The following NSD3 variants were observed in gnomAD, a reference collection of about 807,000 sequenced individuals.
NSD3 encodes the protein nuclear receptor binding SET domain protein 3.
In NSD3, 24 loss-of-function variants were observed where a neutral mutation model predicts 160.8. The ratio of observed to expected loss-of-function variants is 0.15; its 90% confidence interval spans 0.11 to 0.21. NSD3 has a LOEUF of 0.21. NSD3 is among the 10% of genes least tolerant of loss of function. The pLI, the probability that NSD3 is intolerant of heterozygous loss-of-function variation, is 1.00. For missense variants in NSD3, 1,157 were observed against 1,735.9 expected (o/e 0.67, Z 5.93); for synonymous variants, 520 against 600.0 (o/e 0.87, Z 1.95).
chr8:38,330,259 C>T (rs1810023548), intron 5 of NSD3, among the ~76,000 whole-genome samples: 1 of 152,082 alleles, frequency 6.6e-6, no homozygotes, highest in South Asian at 2.1e-4. Context: ...AAATGATACC[C>T]TGAAACTCCC....
chr8:38,319,143 A>C lies in NSD3; in HGVS notation c.1810-203T>G. The C allele has an allele frequency of 3.7e-6, 2 of 537,620 alleles. No homozygotes were observed. The highest frequency in any genetic ancestry group is 6.6e-6 in the Non-Finnish European group (2 of 301,170). The allele number at this position is 537,620 out of a possible 1,614,324, so 33.3% of individuals were successfully genotyped here. A position where few individuals can be genotyped will look rare whatever the true frequency, so the allele number is the denominator to read the frequency against. Reference sequence around the variant, plus strand: ...ATCCTAGCTGCCTGTGCTGAATATCAAGTGACAACACACAGCCACATGCTC... The same window carrying C: ...ATCCTAGCTGCCTGTGCTGAATATCCAGTGACAACACACAGCCACATGCTC... On this transcript the variant is annotated intron_variant, in intron 8 of 23. Transcript: ENST00000317025. The surrounding 1 kb of genome is among the most constrained non-coding windows in gnomAD (Gnocchi z 4.1).
chr8:38,315,500 A>C lies in NSD3; in HGVS notation c.2031T>G (p.Asp677Glu), dbSNP rs768752271. 2 of 1,613,558 alleles carry C rather than the reference A, an allele frequency of 1.2e-6. No homozygotes were observed. The highest frequency in any genetic ancestry group is 4.5e-5 in the East Asian group (2 of 44,842). ...KQVDSPSATADADVSDVQSMD... is the reference protein window; with the variant it reads ...KQVDSPSATAEADVSDVQSMD... ...TGGACTGCACATCAGAAACGTCTGC[A>C]TCTGCAGTAGCTGAAGGGCTATCTA... Residue 677 changes from aspartate to glutamate, a missense_variant, in exon 11 of 24, where the codon GAT (aspartate) becomes GAG (glutamate). Coordinates refer to ENST00000317025, the MANE Select transcript of NSD3 (RefSeq NM_023034.2).
Position 38,288,906 on chromosome 8 carries a change from A to G in NSD3, c.3232-150T>C, listed in dbSNP as rs1808930371. 2 of 997,184 alleles carry G rather than the reference A, an allele frequency of 2.0e-6. No homozygotes were observed. Among genetic ancestry groups the G allele is most frequent in the Non-Finnish European group, 2.9e-6 (2 of 699,090 alleles). The allele number at this position is 997,184 out of a possible 1,614,324, so 61.8% of individuals were successfully genotyped here. On this transcript the variant is annotated intron_variant, in intron 18 of 23. Coordinates refer to ENST00000317025, the MANE Select transcript of NSD3 (RefSeq NM_023034.2). The surrounding 1 kb of genome is among the most constrained non-coding windows in gnomAD (Gnocchi z 4.5). ...GATGAATAAGCTGAGATTAATAACC[A>G]TCTCTTTTGTCATTTAGTTGACAAA...
At chr8:38,327,263 C>T (rs561914242) in intron 6 of NSD3, among the ~76,000 whole-genome samples, 2 of 152,008 alleles carry the variant, frequency 1.3e-5, no homozygotes, top group Admixed American at 6.6e-5. Flanking sequence ...ACCATGTTGG[C>T]CAGGCTGGTC....
chr8:38,284,449 C>T (rs1367754682), intron 19 of NSD3, among the ~76,000 whole-genome samples: 2 of 152,148 alleles, frequency 1.3e-5, no homozygotes, highest in African/African-American at 2.4e-5. Context: ...AGTGCAATGG[C>T]GTGATCTTGG....
intron 12 of NSD3, among the ~76,000 whole-genome samples, chr8:38,313,290 C>A (rs1809577016): frequency 6.6e-6 from 1 of 152,052 alleles, no homozygotes; most frequent in African/African-American, 2.4e-5. Context: ...TTCACCAGGG[C>A]AGTAGAAGAC....
intron 6 of NSD3, among the ~76,000 whole-genome samples, chr8:38,328,767 T>C (rs908241683): frequency 6.6e-6 from 1 of 152,136 alleles, no homozygotes; most frequent in Non-Finnish European, 1.5e-5. Context: ...CAAGCTAAAG[T>C]ATAAGTGCCC....
At chr8:38,351,046 A>C (rs936957667) in intron 1 of NSD3, among the ~76,000 whole-genome samples, 1 of 145,848 alleles carries the variant, frequency 6.9e-6, no homozygotes, top group African/African-American at 2.6e-5. Context: ...ATCTTAGCCC[A>C]CTGCAAGCGC....
At position 38,321,014 on chromosome 8, in the gene NSD3, T is replaced by C. The variant is rs1196781726; in HGVS notation, c.1809+58A>G. ...GTTTCTCTTTCTTTTAAGACAGGAA[T>C]GTAAGCCACAACATTTACAAATACA... On this transcript the variant is annotated intron_variant, in intron 8 of 23. Coordinates refer to ENST00000317025, the MANE Select transcript of NSD3 (RefSeq NM_023034.2). The surrounding 1 kb of genome is among the most constrained non-coding windows in gnomAD (Gnocchi z 4.7). 1.3e-6 allele frequency: 2 copies of C among 1,496,220 alleles called. No individual in the cohort carries two copies. Among genetic ancestry groups the C allele is most frequent in the Non-Finnish European group, 9.3e-7 (1 of 1,078,258 alleles). The allele number at this position is 1,496,220 out of a possible 1,614,324, so 92.7% of individuals were successfully genotyped here.
At chr8:38,379,930 T>C (rs1280191008) in intron 1 of NSD3, among the ~76,000 whole-genome samples, 6 of 152,248 alleles carry the variant, frequency 3.9e-5, no homozygotes, top group Non-Finnish European at 8.8e-5. Context: ...ATTTAAACCT[T>C]AGAATAGTAA....
intron 22 of NSD3, among the ~76,000 whole-genome samples, chr8:38,278,021 C>T (rs1317964524): frequency 6.6e-6 from 1 of 151,638 alleles, no homozygotes; most frequent in Non-Finnish European, 1.5e-5. Flanking sequence ...TCACTGCAAG[C>T]TCCGCATCCC....
Position 38,347,871 on chromosome 8 carries a change from C to T in NSD3, c.301G>A (p.Gly101Ser). 1 of 1,614,140 alleles carries T rather than the reference C, an allele frequency of 6.2e-7. No homozygotes were observed. Among genetic ancestry groups the T allele is most frequent in the Non-Finnish European group, 8.5e-7 (1 of 1,180,036 alleles). ...GTGGGGCTAAAGTTTCTAACTGCAC[C>T]AAAGCCATTGGCTGACCCATTAGGA... is the stretch of plus-strand genomic sequence containing the variant. ...QYPNGSANGF[G>S]AVRNFSPTDY... Residue 101 changes from glycine (G) to serine (S), a missense_variant, in exon 2 of 24, where the codon GGT (glycine) becomes AGT (serine). Physicochemically the swap from Gly to Ser is moderately conservative, Grantham distance 56 (BLOSUM62 0). This residue lies in a region of NSD3 where 121 missense variants were observed against 177.2 expected (regional missense o/e 0.68). Coordinates refer to ENST00000317025, the MANE Select transcript of NSD3 (RefSeq NM_023034.2).
chr8:38,362,056 A>G (rs962467225), intron 1 of NSD3, among the ~76,000 whole-genome samples: 1 of 151,930 alleles, frequency 6.6e-6, no homozygotes, highest in African/African-American at 2.4e-5. Context: ...ATGTTGCAAA[A>G]CCAAATTATA....
intron 12 of NSD3, among the ~76,000 whole-genome samples, chr8:38,310,550 C>A (rs182048388): frequency 9.9e-4 from 150 of 152,082 alleles, no homozygotes; most frequent in South Asian, 2.1e-3. Context: ...TCTGGTTGCC[C>A]AGGCTGGAGT....
chr8:38,371,836 G>T (rs1811249210), intron 1 of NSD3, among the ~76,000 whole-genome samples: 1 of 152,174 alleles, frequency 6.6e-6, no homozygotes, highest in Non-Finnish European at 1.5e-5. Flanking sequence ...TATTCAGCAG[G>T]TACTCAGTGG....
chr8:38,280,517 T>C lies in NSD3; in HGVS notation c.3619-836A>G, dbSNP rs561824699. On this transcript the variant is annotated intron_variant, in intron 20 of 23. Transcript: ENST00000317025. ...ATTCTGAATCTCAGTTATAGAGATA[T>C]GATAGCCTAGAACACAGGAAATATG... Among the ~76,000 whole-genome samples, 4 of 152,346 alleles carry C rather than the reference T, an allele frequency of 2.6e-5. No homozygotes were observed. The East Asian group carries it at 5.8e-4, about 22-fold the overall frequency.
At position 38,322,516 on chromosome 8, in the gene NSD3, G is replaced by T. The variant is rs115876444; in HGVS notation, c.1709-1344C>A. Among the ~76,000 whole-genome samples, 320 of 152,132 alleles carry T rather than the reference G, an allele frequency of 2.1e-3. 1 individual carries two copies. Among genetic ancestry groups the T allele is most frequent in the African/African-American group, 7.2e-3 (301 of 41,536 alleles). ...AATGAAAATGGAATTGCTTAAAAAC[G>T]AACAAAAAAATATTTACTTGTGTTG... On this transcript the variant is annotated intron_variant, in intron 7 of 23. Transcript: ENST00000317025.
chr8:38,319,129 C>G lies in NSD3; in HGVS notation c.1810-189G>C. 1 of 566,924 alleles carries G rather than the reference C, an allele frequency of 1.8e-6. No homozygotes were observed. 35.1% of individuals were successfully genotyped at this position (566,924 alleles called of 1,614,324 possible). A position where few individuals can be genotyped will look rare whatever the true frequency, so the allele number is the denominator to read the frequency against. On this transcript the variant is annotated intron_variant, in intron 8 of 23. Coordinates refer to ENST00000317025, the MANE Select transcript of NSD3 (RefSeq NM_023034.2). The surrounding 1 kb of genome is among the most constrained non-coding windows in gnomAD (Gnocchi z 4.1). Reference sequence around the variant, plus strand: ...CAGGGAGGGTTTAAATCCTAGCTGCCTGTGCTGAATATCAAGTGACAACAC... The same window carrying G: ...CAGGGAGGGTTTAAATCCTAGCTGCGTGTGCTGAATATCAAGTGACAACAC...
intron 2 of NSD3, among the ~76,000 whole-genome samples, chr8:38,339,135 G>T (rs1431109193): frequency 2.3e-5 from 3 of 132,040 alleles, no homozygotes; most frequent in Non-Finnish European, 4.8e-5. Context: ...GTGAGACTCT[G>T]TCTCAAAAAA....
Sources: allele counts gnomAD v4.1 joint callset (sites outside exome capture counted in the v4.1 genomes callset), GRCh38; gene constraint gnomAD v4.1.1; regional missense constraint gnomAD v4.1.1; non-coding constraint Gnocchi (gnomAD v3.1); transcripts MANE v1.5; gene names NCBI Gene and HGNC (gene_info 2026-07-23, HGNC 2026-07-21).